The following ZNF106 variants were observed in gnomAD, a reference collection of about 807,000 sequenced individuals.
ZNF106 encodes the protein zinc finger protein 106.
In ZNF106, 67 loss-of-function variants were observed where a neutral mutation model predicts 195.1. That is an observed-to-expected ratio of 0.34 (90% confidence interval 0.28 to 0.42). The LOEUF (loss-of-function observed/expected upper bound fraction) is 0.42. Among genes scored for constraint, ZNF106 ranks in the 10% least tolerant of loss-of-function variants. ZNF106 has a pLI of 1.00. For missense variants in ZNF106, 2,118 were observed against 2,304.5 expected (o/e 0.92, Z 1.66); for synonymous variants, 784 against 818.6 (o/e 0.96, Z 0.72).
intron 13 of ZNF106, among the ~76,000 whole-genome samples, chr15:42,436,702 G>C (rs1051524938): frequency 6.6e-6 from 1 of 152,196 alleles, no homozygotes; most frequent in South Asian, 2.1e-4. Flanking sequence ...CAGTGGAAAA[G>C]TGTTGCTCTC....
In ZNF106 at chr15:42,450,471, T is replaced by G. The variant is rs756525797; in HGVS notation, c.1801A>C (p.Lys601Gln). 17 of 1,614,148 alleles carry G rather than the reference T, an allele frequency of 1.1e-5. No homozygotes were observed. The highest frequency in any genetic ancestry group is 1.4e-5 in the Non-Finnish European group (16 of 1,180,020). ...AGTGCGTGCACTTGAAACTCAATTT[T>G]CAAAGACCCTTTTTCAGATTCTTCT... is the stretch of plus-strand genomic sequence containing the variant. ...NVEESEKGSL[K>Q]IEFQVHALED... Residue 601 changes from lysine to glutamine, a missense_variant, in exon 5 of 22, where the codon AAA becomes CAA. Lys to Gln is a moderately conservative substitution (Grantham distance 53). Transcript: ENST00000564754.
intron 12 of ZNF106, among the ~76,000 whole-genome samples, chr15:42,438,134 C>T (rs577458740): frequency 6.6e-6 from 1 of 152,196 alleles, no homozygotes; most frequent in African/African-American, 2.4e-5. Flanking sequence ...CGCCTGTAGT[C>T]CCAGCACTTT....
intron 6 of ZNF106, among the ~76,000 whole-genome samples, chr15:42,447,264 C>T (rs1254135667): frequency 6.6e-6 from 1 of 152,136 alleles, no homozygotes; most frequent in Non-Finnish European, 1.5e-5. Context: ...CTTGTAGTCC[C>T]CGCTACTTGG....
intron 18 of ZNF106, 124 bp downstream of exon 18, chr15:42,422,377 A>G (rs1485610826): frequency 2.3e-6 from 3 of 1,279,116 alleles, no homozygotes; most frequent in Non-Finnish European, 1.1e-6. Context: ...ATAATTATCT[A>G]GAATGCTTGT....
In ZNF106 at chr15:42,428,108, C is replaced by A. The variant is rs1203367006; in HGVS notation, c.4908G>T (p.Gln1636His). Reference sequence around the variant, plus strand: ...GGAGGCAGAGGACCCGGTCTTCCAGCTGTAACTGCTCCACACACTCTCGGC... The same window carrying A: ...GGAGGCAGAGGACCCGGTCTTCCAGATGTAACTGCTCCACACACTCTCGGC... ...VKSRECVEQL[Q>H]LEDRVLCLHS... The change falls in exon 15 of 22, where the codon CAG becomes CAT. Residue 1636 changes from glutamine (Q) to histidine (H), a missense_variant. By Grantham distance (24) the Gln-to-His change is conservative (BLOSUM62 0). Transcript: ENST00000564754. 1 of 1,614,070 alleles carries A rather than the reference C, an allele frequency of 6.2e-7. No individual in the cohort carries two copies. Among genetic ancestry groups the A allele is most frequent in the South Asian group, 1.1e-5 (1 of 91,084 alleles).
At chr15:42,467,057 C>T (rs772104441) in intron 2 of ZNF106, among the ~76,000 whole-genome samples, 1 of 151,872 alleles carries the variant, frequency 6.6e-6, no homozygotes, top group Non-Finnish European at 1.5e-5. Flanking sequence ...CGCTTGAACC[C>T]GGGAGGCAGA....
intron 3 of ZNF106, among the ~76,000 whole-genome samples, chr15:42,458,098 C>T (rs1259835291): frequency 6.6e-6 from 1 of 152,092 alleles, no homozygotes; most frequent in Non-Finnish European, 1.5e-5. Context: ...ACCATAGTTA[C>T]AAGACAGCAG....
chr15:42,487,333 T>C (rs1215509890), intron 1 of ZNF106, among the ~76,000 whole-genome samples: 1 of 150,132 alleles, frequency 6.7e-6, no homozygotes, highest in Non-Finnish European at 1.5e-5. Flanking sequence ...ACAAAAAATT[T>C]ATTAATTAGC....
intron 2 of ZNF106, among the ~76,000 whole-genome samples, chr15:42,468,159 T>G (rs1192563462): frequency 4.6e-5 from 6 of 131,544 alleles, no homozygotes; most frequent in African/African-American, 1.7e-4. Flanking sequence ...CACGACAACC[T>G]CTGCCTCCAG....
rs1454649671 is a variant in ZNF106 at position 42,449,857 on chromosome 15, T to C, written c.2415A>G (p.Leu805=). 1.2e-6 allele frequency: 2 copies of C among 1,614,190 alleles called. No homozygotes were observed. The highest frequency in any genetic ancestry group is 1.7e-6 in the Non-Finnish European group (2 of 1,180,036). ...AGTTGACATTTCTCCGAGATGCATT[T>C]AGAATCTGCCGTAGGGTTGGCTTGA... ...SGLKPTLRQI[L]NASRRNVNWE... Residue 805 remains leucine (L), a synonymous_variant, in exon 5 of 22, where the codon CTA becomes CTG. Transcript: ENST00000564754.
chr15:42,474,009 C>G (rs1378043486), intron 1 of ZNF106, among the ~76,000 whole-genome samples: 2 of 152,170 alleles, frequency 1.3e-5, no homozygotes, highest in Admixed American at 6.5e-5. Flanking sequence ...GAGGCCCCCA[C>G]TGAGTACCCA....
chr15:42,437,756 C>T (rs2055338194), intron 12 of ZNF106, among the ~76,000 whole-genome samples: 1 of 151,398 alleles, frequency 6.6e-6, no homozygotes, highest in Admixed American at 6.6e-5. Flanking sequence ...AAAATACAAA[C>T]ATTAGCCAGG....
At chr15:42,456,540 T>C (rs2056232406) in intron 4 of ZNF106, among the ~76,000 whole-genome samples, 1 of 151,674 alleles carries the variant, frequency 6.6e-6, no homozygotes, top group Non-Finnish European at 1.5e-5. Flanking sequence ...TAATCCCAGC[T>C]ACTCAGGAGG....
intron 11 of ZNF106, 95 bp downstream of exon 11, chr15:42,438,938 G>C (rs1165837078): frequency 2.8e-6 from 4 of 1,439,426 alleles, no homozygotes; most frequent in Non-Finnish European, 3.7e-6. Context: ...ATAAAGTTTG[G>C]TTTTTAAAGA....
chr15:42,422,083 C>T (rs2054682666), intron 18 of ZNF106, 95 bp from the exon 19 acceptor site: 3 of 986,874 alleles, frequency 3.0e-6, no homozygotes, highest in Non-Finnish European at 4.2e-6. Flanking sequence ...TAAAACCACA[C>T]CTGAGGCGCC....
chr15:42,437,263 G>C lies in ZNF106; in HGVS notation c.4715C>G (p.Ala1572Gly), dbSNP rs764068194. 6.2e-7 allele frequency: 1 copy of C among 1,613,504 alleles called. No individual in the cohort carries two copies. The highest frequency in any genetic ancestry group is 8.5e-7 in the Non-Finnish European group (1 of 1,179,810). The change falls in exon 13 of 22, where the codon GCA becomes GGA. Residue 1572 changes from alanine to glycine, a missense_variant. Ala to Gly is a moderately conservative substitution (Grantham distance 60, BLOSUM62 0). Coordinates refer to ENST00000564754, the MANE Select transcript of ZNF106 (RefSeq NM_001366845.3). ...ATTATAAACCCGAACAGTTTTATCT[G>C]CTGAACAGGTATATAGCAAGTTCCC... ...IFGNLLYTCS[A>G]DKTVRVYNLV... is the part of the protein sequence containing the mutation.
rs2054375993 is a variant in ZNF106 at position 42,414,460 on chromosome 15, G to A, written c.*2844C>T. 1 of 152,188 alleles carries A rather than the reference G, an allele frequency of 6.6e-6. No homozygotes were observed. Among genetic ancestry groups the A allele is most frequent in the Non-Finnish European group, 1.5e-5 (1 of 68,030 alleles). The allele number at this position is 152,188 out of a possible 1,614,324, so 9.4% of individuals were successfully genotyped here. A position where few individuals can be genotyped will look rare whatever the true frequency, so the allele number is the denominator to read the frequency against. ...CCACTGCTTCAAAAAAAGCCTTTGT[G>A]AAATGAAGAAAAATATGACAAACAC... is the stretch of plus-strand genomic sequence containing the variant. On this transcript the variant is annotated 3_prime_UTR_variant, in exon 22 of 22. Coordinates refer to ENST00000564754, the MANE Select transcript of ZNF106 (RefSeq NM_001366845.3).
At chr15:42,438,497 C>T in intron 12 of ZNF106, 115 bp downstream of exon 12, 2 of 895,520 alleles carry the variant, frequency 2.2e-6, no homozygotes, top group African/African-American at 1.7e-5. Context: ...TGGTGATAAA[C>T]CCCTCCCCAT....
At chr15:42,440,218 T>G (rs2055448584) in intron 10 of ZNF106, among the ~76,000 whole-genome samples, 1 of 152,234 alleles carries the variant, frequency 6.6e-6, no homozygotes, top group Non-Finnish European at 1.5e-5. Context: ...AGCTACAGCT[T>G]AGTAGTTAAA....
Sources: gnomAD v4.1 joint callset for allele counts (sites outside exome capture counted in the v4.1 genomes callset) on GRCh38, gnomAD v4.1.1 for gene constraint, MANE v1.5 for transcripts, NCBI Gene and HGNC (gene_info 2026-07-23, HGNC 2026-07-21) for gene names.